The following BBOF1 variants were observed in gnomAD, a reference collection of about 807,000 sequenced individuals.
BBOF1 encodes basal body-orientation factor 1.
Under a neutral mutation model 68.0 loss-of-function variants are expected in BBOF1, and 62 were observed. That is an observed-to-expected ratio of 0.91 (90% CI 0.74 to 1.13). The LOEUF is 1.13. Among genes scored for constraint, BBOF1 ranks in the 50% most tolerant of loss-of-function variants. The pLI is 0.00. For synonymous variants in BBOF1, 208 were observed against 198.8 expected, an observed-to-expected ratio of 1.05 and a Z score of -0.39; for missense variants, 534 against 600.1, an observed-to-expected ratio of 0.89 and a Z score of 1.15.
chr14:74,072,345 C>G lies in BBOF1; in HGVS notation n.1380-5851C>G. On this transcript the variant is annotated intron_variant and non_coding_transcript_variant, in intron 9 of 12. Transcript: ENST00000492026. Reference sequence around the variant, plus strand: ...TGCCTTGGTGGCCTGAGGGACCCGACCAATGACCTCATTGGTGGCCTGATG... The same window carrying G: ...TGCCTTGGTGGCCTGAGGGACCCGAGCAATGACCTCATTGGTGGCCTGATG... The G allele has an allele frequency of 2.5e-6, 4 of 1,614,170 alleles. No individual in the cohort carries two copies. In the South Asian group the frequency reaches 4.4e-5, roughly 18 times the overall value.
At chr14:74,038,387 T>C (rs1032021489) in intron 4 of BBOF1, among the ~76,000 whole-genome samples, 3 of 152,182 alleles carry the variant, frequency 2.0e-5, no homozygotes, top group African/African-American at 7.2e-5. Flanking sequence ...CTAGTGCATA[T>C]TCAAGTAGCC....
rs560297418 is a variant in BBOF1, at chr14:74,022,221, T to A, written c.57-695T>A. Among the ~76,000 whole-genome samples, 7 of 150,300 alleles carry A rather than the reference T, an allele frequency of 4.7e-5. No homozygotes were observed. The South Asian group carries it at 6.4e-4, about 14-fold the overall frequency. On this transcript the variant is annotated intron_variant, in intron 1 of 11. Transcript: ENST00000394009. ...GACCCCATCTCTATTAAAAAAAAAA[T>A]AAATATGGGAGAATCAAATAAGTAA...
At chr14:74,021,194 A>G (rs1163768864) in intron 1 of BBOF1, among the ~76,000 whole-genome samples, 2 of 152,200 alleles carry the variant, frequency 1.3e-5, no homozygotes, top group Non-Finnish European at 2.9e-5. Context: ...TAATGCTTAT[A>G]CAATAAATAT....
intron 9 of BBOF1, chr14:74,071,557 G>T (rs1406584528): frequency 6.2e-7 from 1 of 1,611,570 alleles, no homozygotes; most frequent in African/African-American, 1.3e-5. Context: ...GCTTTGTCCT[G>T]TTCTCTTCAG....
chr14:74,033,535 A>G (rs2059625288), intron 3 of BBOF1, among the ~76,000 whole-genome samples: 1 of 151,608 alleles, frequency 6.6e-6, no homozygotes, highest in Admixed American at 6.6e-5. Flanking sequence ...ACGCCACTAC[A>G]CTCCAGCCTG....
In BBOF1 at chr14:74,072,716, G is replaced by C. The variant is rs981264314; in HGVS notation, n.1380-5480G>C. On this transcript the variant is annotated intron_variant and non_coding_transcript_variant, in intron 9 of 12. Coordinates refer to the BBOF1 transcript ENST00000492026. ...CTTGCACCAAAAGGAAAGAAAACAAGTTGATAACGGAATCTTCTGGTCTTT... is the reference window on the plus strand; with the variant it reads ...CTTGCACCAAAAGGAAAGAAAACAACTTGATAACGGAATCTTCTGGTCTTT... 29 of 1,263,588 alleles carry C rather than the reference G, an allele frequency of 2.3e-5. 1 individual carries two copies. The South Asian group carries it at 3.6e-4, about 15-fold the overall frequency. The allele number at this position is 1,263,588 out of a possible 1,614,324, so 78.3% of individuals were successfully genotyped here. A position where few individuals can be genotyped will look rare whatever the true frequency, so the allele number is the denominator to read the frequency against.
At chr14:74,033,961 A>G in intron 3 of BBOF1, 67 bp from the exon 4 acceptor site, 2 of 1,345,228 alleles carry the variant, frequency 1.5e-6, no homozygotes, top group South Asian at 3.1e-5. Flanking sequence ...TAAGGCTTCA[A>G]ATGAAACATG....
At chr14:74,064,128 T>C (rs1420396777) in intron 11 of BBOF1, among the ~76,000 whole-genome samples, 1 of 151,292 alleles carries the variant, frequency 6.6e-6, no homozygotes, top group East Asian at 1.9e-4. Flanking sequence ...TGAAACCCTG[T>C]CTCTACTAAA....
rs2059333544 is a variant in BBOF1, at chr14:74,022,836, A to G, written c.57-80A>G. 7 of 562,388 alleles carry G rather than the reference A, an allele frequency of 1.2e-5. 1 individual carries two copies. The South Asian group carries it at 5.1e-4, about 41-fold the overall frequency. The allele number at this position is 562,388 out of a possible 1,614,324, so 34.8% of individuals were successfully genotyped here. A position where few individuals can be genotyped will look rare whatever the true frequency, so the allele number is the denominator to read the frequency against. Reference sequence around the variant, plus strand: ...TAAAAAAAGAGAAAAATTTAATAGTAATATAATAGAGTTATATACTATCTG... The same window carrying G: ...TAAAAAAAGAGAAAAATTTAATAGTGATATAATAGAGTTATATACTATCTG... On this transcript the variant is annotated intron_variant, in intron 1 of 11. Coordinates refer to ENST00000394009, the MANE Select transcript of BBOF1 (RefSeq NM_025057.3).
Sources: allele counts gnomAD v4.1 joint callset (sites outside exome capture counted in the v4.1 genomes callset), GRCh38; gene constraint gnomAD v4.1.1; transcripts MANE v1.5; gene names NCBI Gene and HGNC (gene_info 2026-07-23, HGNC 2026-07-21).